Variants in TCF25 observed in about 807,000 individuals in gnomAD.
TCF25 encodes the protein ribosome quality control complex subunit TCF25.
In TCF25, 41 loss-of-function variants were observed where a neutral mutation model predicts 83.1. The observed-to-expected ratio is 0.49, with a 90% CI of 0.38 to 0.64. The LOEUF (loss-of-function observed/expected upper bound fraction) is 0.64. TCF25 is among the 30% of genes least tolerant of loss of function. The pLI, the probability that TCF25 is intolerant of heterozygous loss-of-function variation, is 0.00. For missense variants in TCF25, 979 were observed against 914.5 expected (o/e 1.07, Z -0.91); for synonymous variants, 458 against 365.0 (o/e 1.25, Z -2.90).
chr16:89,904,095 C>A, intron 12 of TCF25, 23 bp from the exon 13 acceptor site: 4 of 1,595,568 alleles, frequency 2.5e-6, no homozygotes, highest in East Asian at 2.3e-5. Flanking sequence ...AGGGCCCCCA[C>A]AGAGCCTCCG....
intron 6 of TCF25, 108 bp from the exon 7 acceptor site, chr16:89,893,620 C>G: frequency 6.4e-7 from 1 of 1,550,898 alleles, no homozygotes; most frequent in East Asian, 2.3e-5. Context: ...TCAAGTTTGT[C>G]GATATCGCAG....
intron 1 of TCF25, among the ~76,000 whole-genome samples, chr16:89,874,250 G>A (rs1254360098): frequency 6.6e-6 from 1 of 151,694 alleles, no homozygotes; most frequent in East Asian, 2.0e-4. Flanking sequence ...ACGTGGGCGG[G>A]ATTAAATGGG....
At position 89,895,692 on chromosome 16, in the gene TCF25, C is replaced by T. The variant is rs567534282; in HGVS notation, c.929-298C>T. Among the ~76,000 whole-genome samples, 134 of 152,380 alleles carry T rather than the reference C, an allele frequency of 8.8e-4. 1 individual carries two copies. The highest frequency in any genetic ancestry group is 2.9e-3 in the African/African-American group (121 of 41,592). On this transcript the variant is annotated intron_variant, in intron 8 of 17. Coordinates refer to ENST00000263346, the MANE Select transcript of TCF25 (RefSeq NM_014972.3). ...TAGTGCTTACGTCAGCATGCACACG[C>T]AGTCTTAGGTGGACACATCTGTGCT...
intron 12 of TCF25, 193 bp downstream of exon 12, chr16:89,900,987 C>A: frequency 1.7e-6 from 1 of 589,994 alleles, no homozygotes. Context: ...CGCTGCGTGC[C>A]AAGCCAGGCA....
chr16:89,878,657 T>C (rs1255658828), intron 1 of TCF25: 1 of 1,086,270 alleles, frequency 9.2e-7, no homozygotes, highest in African/African-American at 1.7e-5. Flanking sequence ...GTTTTGTTTT[T>C]TGAGACGGAG....
At chr16:89,904,038 G>A in intron 12 of TCF25, 80 bp from the exon 13 acceptor site, 1 of 1,405,822 alleles carries the variant, frequency 7.1e-7, no homozygotes, top group Non-Finnish European at 9.9e-7. Flanking sequence ...GGACCTCGCT[G>A]TGTCCCTTAC....
intron 1 of TCF25, among the ~76,000 whole-genome samples, chr16:89,878,141 A>G (rs763217692): frequency 2.4e-4 from 37 of 152,026 alleles, no homozygotes; most frequent in Non-Finnish European, 4.4e-4. Context: ...CTGTCCAAGT[A>G]TAGTGGCACT....
chr16:89,908,574 G>C (rs1233622696), intron 16 of TCF25, among the ~76,000 whole-genome samples: 79 of 7,460 alleles, frequency 0.011, no homozygotes, highest in Admixed American at 0.023. Context: ...CTCTTTCCTC[G>C]CAGTTCCCAC....
intron 1 of TCF25, chr16:89,878,487 TA>T: frequency 3.0e-6 from 3 of 1,009,572 alleles, no homozygotes; most frequent in Admixed American, 3.3e-5. Flanking sequence ...CCTCTCCCCC[TA>T]AAAAAAGATA....
intron 5 of TCF25, among the ~76,000 whole-genome samples, chr16:89,891,382 ACT>A (rs1431918443): frequency 2.0e-5 from 3 of 152,014 alleles, no homozygotes; most frequent in African/African-American, 7.2e-5. Context: ...ACTGGCCTCC[ACT>A]CTGCGGTGGC....
At chr16:89,889,989 C>T (rs991603168) in intron 5 of TCF25, 5 of 152,356 alleles carry the variant, frequency 3.3e-5, no homozygotes, top group Admixed American at 3.3e-4. Flanking sequence ...CCTGCCTCAG[C>T]TTCCCAAGTA....
At chr16:89,898,517 T>G in intron 9 of TCF25, 40 bp from the exon 10 acceptor site, 2 of 1,502,774 alleles carry the variant, frequency 1.3e-6, no homozygotes, top group Non-Finnish European at 9.1e-7. Flanking sequence ...GCATTCTCCT[T>G]TGTGTCGTTG....
chr16:89,907,920 C>T (rs1455946377), intron 16 of TCF25, among the ~76,000 whole-genome samples: 8 of 138,276 alleles, frequency 5.8e-5, no homozygotes, highest in Admixed American at 7.1e-5. Flanking sequence ...CAGCTCCTGC[C>T]TCCCTCCTCC....
intron 1 of TCF25, among the ~76,000 whole-genome samples, chr16:89,874,085 T>C (rs1290169583): frequency 1.7e-5 from 2 of 121,000 alleles, no homozygotes; most frequent in East Asian, 2.5e-4. Flanking sequence ...GACTGGGTTC[T>C]AACCCCGGTG....
chr16:89,907,941 C>T (rs1234043950), intron 16 of TCF25, among the ~76,000 whole-genome samples: 6 of 138,446 alleles, frequency 4.3e-5, no homozygotes, highest in African/African-American at 1.4e-4. Context: ...CAGTTCCCAG[C>T]TCCCACCTCC....
rs1210872255 is a variant in TCF25, at chr16:89,873,790, G to A, written c.123G>A (p.Arg41=). The change falls in exon 1 of 18, where the codon CGG becomes CGA. Residue 41 remains arginine, a synonymous_variant. Coordinates refer to ENST00000263346, the MANE Select transcript of TCF25 (RefSeq NM_014972.3). ...DDDAEEEGPK[R]ELGVRRPGGA... is the part of the protein sequence containing the mutation. Reference sequence around the variant, plus strand: ...ACGCGGAAGAAGAAGGGCCCAAGCGGGAGCTTGGTGTCCGGCGTCCCGGGG... The same window carrying A: ...ACGCGGAAGAAGAAGGGCCCAAGCGAGAGCTTGGTGTCCGGCGTCCCGGGG... 1 of 1,606,728 alleles carries A rather than the reference G, an allele frequency of 6.2e-7. No individual in the cohort carries two copies. The highest frequency in any genetic ancestry group is 8.5e-7 in the Non-Finnish European group (1 of 1,177,676).
intron 9 of TCF25, among the ~76,000 whole-genome samples, chr16:89,896,845 C>T (rs1567721318): frequency 1.3e-5 from 2 of 152,204 alleles, no homozygotes; most frequent in East Asian, 1.9e-4. Context: ...TGAGCCACCG[C>T]GCCCGGCCAC....
intron 9 of TCF25, 136 bp from the exon 10 acceptor site, chr16:89,898,421 T>G (rs1454367438): frequency 1.4e-6 from 1 of 707,298 alleles, no homozygotes; most frequent in Non-Finnish European, 2.4e-6. Flanking sequence ...CGCTGAGCAG[T>G]GTGTGGGGTG....
intron 11 of TCF25, 26 bp downstream of exon 11, chr16:89,898,898 G>C (rs779864929): frequency 1.2e-6 from 2 of 1,600,884 alleles, no homozygotes; most frequent in African/African-American, 1.3e-5. Flanking sequence ...GTGAGGCCCC[G>C]TGGAGGGACG....
Sources: allele counts gnomAD v4.1 joint callset (sites outside exome capture counted in the v4.1 genomes callset), GRCh38; gene constraint gnomAD v4.1.1; transcripts MANE v1.5; gene names NCBI Gene and HGNC (gene_info 2026-07-23, HGNC 2026-07-21).